Variants in SCAF11 observed in about 807,000 individuals in gnomAD.
The protein encoded by SCAF11 is protein SCAF11.
SCAF11 carries 47 observed loss-of-function variants against 140.5 expected under a neutral mutation model. That is an observed-to-expected ratio of 0.33 (90% confidence interval 0.26 to 0.43). SCAF11 has a LOEUF of 0.43. Ranked by LOEUF, SCAF11 falls within the 20% of genes least tolerant of loss-of-function variation. The pLI, the probability that SCAF11 is intolerant of heterozygous loss-of-function variation, is 1.00. For synonymous variants in SCAF11, 557 were observed against 579.4 expected, an observed-to-expected ratio of 0.96 and a Z score of 0.55; for missense variants, 1,645 against 1,705.1, an observed-to-expected ratio of 0.96 and a Z score of 0.62.
chr12:45,978,464 C>T (rs931601092), intron 1 of SCAF11, among the ~76,000 whole-genome samples: 4 of 152,118 alleles, frequency 2.6e-5, no homozygotes, highest in Non-Finnish European at 4.4e-5. Context: ...AGAGTTTACA[C>T]GTAGAAAACT....
intron 4 of SCAF11, 125 bp downstream of exon 4, chr12:45,951,525 G>A (rs1470619409): frequency 3.4e-6 from 2 of 579,862 alleles, no homozygotes; most frequent in Non-Finnish European, 6.1e-6. Flanking sequence ...TCATGCTAAG[G>A]AGGATTAAAA....
At chr12:45,954,933 C>A (rs1456013814) in intron 3 of SCAF11, 2 of 122,034 alleles carry the variant, frequency 1.6e-5, no homozygotes, top group Admixed American at 1.6e-4. Flanking sequence ...GAGTAAGATT[C>A]CCCCCCTTTT....
At chr12:45,982,175 C>CAAGCTG in intron 1 of SCAF11, among the ~76,000 whole-genome samples, 1 of 152,288 alleles carries the variant, frequency 6.6e-6, no homozygotes, top group Non-Finnish European at 1.5e-5. Context: ...TCATATTACT[C>CAAGCTG]AAGCTGATGT....
chr12:45,990,554 C>T lies in SCAF11; in HGVS notation c.-223G>A, dbSNP rs956718719. 8.1e-7 allele frequency: 1 copy of T among 1,231,452 alleles called. No individual in the cohort carries two copies. Among genetic ancestry groups the T allele is most frequent in the Non-Finnish European group, 1.0e-6 (1 of 987,908 alleles). The allele number at this position is 1,231,452 out of a possible 1,614,324, so 76.3% of individuals were successfully genotyped here. Reference sequence around the variant, plus strand: ...GCGACCCAGGTTGCGCTGCTCCGCGCGGCTTAAGCCACCGCTACTCCCCCT... The same window carrying T: ...GCGACCCAGGTTGCGCTGCTCCGCGTGGCTTAAGCCACCGCTACTCCCCCT... On this transcript the variant is annotated 5_prime_UTR_variant, in exon 1 of 15. Transcript: ENST00000369367.
At chr12:45,985,000 C>T (rs1206437114) in intron 1 of SCAF11, among the ~76,000 whole-genome samples, 10 of 152,146 alleles carry the variant, frequency 6.6e-5, no homozygotes, top group Admixed American at 4.6e-4. Flanking sequence ...CAGCCACTTC[C>T]TTACTTTTGG....
chr12:45,927,209 T>C lies in SCAF11; in HGVS notation c.2492A>G (p.Gln831Arg). 1 of 1,614,050 alleles carries C rather than the reference T, an allele frequency of 6.2e-7. No homozygotes were observed. Among genetic ancestry groups the C allele is most frequent in the Non-Finnish European group, 8.5e-7 (1 of 1,179,916 alleles). Residue 831 changes from glutamine to arginine, a missense_variant, in exon 11 of 15, where the codon CAA (glutamine) becomes CGA (arginine). Coordinates refer to ENST00000369367, the MANE Select transcript of SCAF11 (RefSeq NM_004719.3). ...RETGKESRKS[Q>R]SPSPKNESAR... is the part of the protein sequence containing the mutation. ...TGACTCATTCTTAGGAGATGGTGAT[T>C]GAGACTTCCTGCTTTCTTTCCCAGT...
intron 6 of SCAF11, among the ~76,000 whole-genome samples, chr12:45,935,840 C>CT (rs1423414480): frequency 6.6e-6 from 1 of 152,200 alleles, no homozygotes; most frequent in Non-Finnish European, 1.5e-5. Flanking sequence ...ATGGCAATCT[C>CT]TAAAGTATTC....
At chr12:45,926,016 AAAC>A (rs1944848209) in intron 11 of SCAF11, 123 bp downstream of exon 11, 1 of 967,444 alleles carries the variant, frequency 1.0e-6, no homozygotes, top group Non-Finnish European at 1.5e-6. Flanking sequence ...AGTGACTTGT[AAAC>A]AACTAAGGTT....
chr12:45,977,915 T>A (rs1337775978), intron 1 of SCAF11, among the ~76,000 whole-genome samples: 3 of 151,952 alleles, frequency 2.0e-5, no homozygotes, highest in Non-Finnish European at 4.4e-5. Flanking sequence ...TAAGGCAGAG[T>A]TGCAGAAACA....
chr12:45,950,080 G>A (rs1307859128), intron 4 of SCAF11, among the ~76,000 whole-genome samples: 2 of 152,146 alleles, frequency 1.3e-5, no homozygotes, highest in East Asian at 1.9e-4. Flanking sequence ...AGAGAAGGAT[G>A]TTTTAGAAGC....
At chr12:45,984,412 T>C (rs187352603) in intron 1 of SCAF11, among the ~76,000 whole-genome samples, 1 of 152,320 alleles carries the variant, frequency 6.6e-6, no homozygotes, top group Admixed American at 6.5e-5. Context: ...GTTTTTCTCA[T>C]TGTGTCCTGT....
rs1358749161 is a variant in SCAF11, at chr12:45,922,515, T to C, written c.4193A>G (p.Lys1398Arg). The stretch of plus-strand genomic sequence containing the variant: ...TTTATATTCTTCCTTGGTGATATCT[T>C]TATTTTGGTAAAATGGCTTGATGGC... ...KLAIKPFYQN[K>R]DITKEEYKEI... Residue 1398 changes from lysine (K) to arginine (R), a missense_variant, in exon 14 of 15, where the codon AAA becomes AGA. Around this residue, in one of 2 missense-constraint regions of SCAF11, gnomAD observed 63 missense variants for 95.9 expected, o/e 0.66. Transcript: ENST00000369367. 6.2e-7 allele frequency: 1 copy of C among 1,600,340 alleles called. No individual in the cohort carries two copies. Among genetic ancestry groups the C allele is most frequent in the Non-Finnish European group, 8.5e-7 (1 of 1,177,440 alleles).
In SCAF11 at chr12:45,926,993, G is replaced by A. The variant is rs1944885984; in HGVS notation, c.2708C>T (p.Pro903Leu). Reference sequence around the variant, plus strand: ...GCTCTGGGACCTGGATTTTTCTCCTGGGGAAGAATCTTTCACTCTTGGCTG... The same window carrying A: ...GCTCTGGGACCTGGATTTTTCTCCTAGGGAAGAATCTTTCACTCTTGGCTG... ...RSQPRVKDSS[P>L]GEKSRSQSRE... Residue 903 changes from proline to leucine, a missense_variant, in exon 11 of 15, where the codon CCA (proline) becomes CTA (leucine). By Grantham distance (98) the Pro-to-Leu change is moderately conservative. Around this residue, in one of 2 missense-constraint regions of SCAF11, gnomAD observed 1,582 missense variants for 1,609.2 expected, o/e 0.98. Coordinates refer to ENST00000369367, the MANE Select transcript of SCAF11 (RefSeq NM_004719.3). The A allele has an allele frequency of 6.2e-7, 1 of 1,613,044 alleles. No individual in the cohort carries two copies. The highest frequency in any genetic ancestry group is 1.3e-5 in the African/African-American group (1 of 75,038).
chr12:45,948,733 T>C (rs1488705103), intron 4 of SCAF11, among the ~76,000 whole-genome samples, 196 bp from the exon 5 acceptor site: 9 of 152,272 alleles, frequency 5.9e-5, no homozygotes, highest in East Asian at 3.9e-4. Flanking sequence ...GGAAACAAAA[T>C]AGTGACAGCT....
Position 45,948,467 on chromosome 12 carries a change from G to A in SCAF11, c.368C>T (p.Ser123Phe). 6.2e-7 allele frequency: 1 copy of A among 1,611,278 alleles called. No homozygotes were observed. The highest frequency in any genetic ancestry group is 8.5e-7 in the Non-Finnish European group (1 of 1,178,820). Reference protein sequence around the residue: ...KNENSFEKQVSCHENSKSCIR... With the variant: ...KNENSFEKQVFCHENSKSCIR... Reference sequence around the variant, plus strand: ...ACAGCTTTTAGAATTTTCATGACAGGAGACCTGTTTCTCAAATGAGTTTTC... The same window carrying A: ...ACAGCTTTTAGAATTTTCATGACAGAAGACCTGTTTCTCAAATGAGTTTTC... Residue 123 changes from serine to phenylalanine, a missense_variant, in exon 5 of 15, where the codon TCC becomes TTC. Physicochemically the swap from Ser to Phe is radical, Grantham distance 155. This residue lies in a region of SCAF11 where 1,582 missense variants were observed against 1,609.2 expected (regional missense o/e 0.98). Transcript: ENST00000369367.
At chr12:45,954,004 A>G in intron 3 of SCAF11, 1 of 236,968 alleles carries the variant, frequency 4.2e-6, no homozygotes, top group East Asian at 1.5e-4. Context: ...AACAATTTTT[A>G]TTGGAATTTG....
intron 3 of SCAF11, among the ~76,000 whole-genome samples, chr12:45,954,065 T>C (rs1945617300): frequency 6.6e-6 from 1 of 152,230 alleles, no homozygotes; most frequent in South Asian, 2.1e-4. Flanking sequence ...TTTTAGCTAT[T>C]TTGATTTGTG....
At position 45,927,433 on chromosome 12, in the gene SCAF11, A is replaced by G; in HGVS notation, c.2268T>C (p.Asn756=). 6.2e-7 allele frequency: 1 copy of G among 1,613,672 alleles called. No homozygotes were observed. The part of the protein sequence containing the change: ...ENSVTHCSEN[N]MPSSDLADEK... ...CATCCGCAAGATCAGAAGACGGCAT[A>G]TTATTTTCAGAACAGTGTGTCACAG... The change falls in exon 11 of 15, where the codon AAT becomes AAC. Residue 756 remains asparagine, a synonymous_variant. Transcript: ENST00000369367.
At position 45,948,882 on chromosome 12, in the gene SCAF11, T is replaced by A. The variant is rs141761795; in HGVS notation, c.298-345A>T. 1.7e-4 allele frequency among the ~76,000 whole-genome samples: 26 copies of A among 152,198 alleles called. No homozygotes were observed. The East Asian group carries it at 4.1e-3, about 24-fold the overall frequency. On this transcript the variant is annotated intron_variant, in intron 4 of 14. Transcript: ENST00000369367. ...GTATGAGTTGGTCTTAAAGGATAGT[T>A]AGGAATTGGTCTAAGAAAAAAATAT...
Sources: gnomAD v4.1 joint callset for allele counts (sites outside exome capture counted in the v4.1 genomes callset) on GRCh38, gnomAD v4.1.1 for gene constraint, gnomAD v4.1.1 regional missense constraint, MANE v1.5 for transcripts, NCBI Gene and HGNC (gene_info 2026-07-23, HGNC 2026-07-21) for gene names.